Variants in TMEM268 observed in about 807,000 individuals in gnomAD.
TMEM268 encodes the protein transmembrane protein 268, also known as transmembrane protein C9orf91.
In TMEM268, 24 loss-of-function variants were observed where a neutral mutation model predicts 39.1. The observed-to-expected ratio is 0.61, with a 90% CI of 0.44 to 0.86. The LOEUF (loss-of-function observed/expected upper bound fraction) is 0.86. TMEM268 is among the 40% of genes least tolerant of loss of function. The probability of loss-of-function intolerance (pLI) is 0.00; values close to 1 mark genes in which losing one functional copy is unlikely to be tolerated. For synonymous variants in TMEM268, 176 were observed against 173.5 expected (o/e 1.01, Z -0.12); for missense variants, 409 against 428.6 (o/e 0.95, Z 0.40).
At chr9:114,636,932 A>C in intron 6 of TMEM268, 58 bp from the exon 7 acceptor site, 3 of 1,079,934 alleles carry the variant, frequency 2.8e-6, no homozygotes, top group Non-Finnish European at 4.3e-6. Flanking sequence ...TCAGGGAGGA[A>C]GAGTTCAGGG....
chr9:114,633,305 G>C lies in TMEM268; in HGVS notation c.475-463G>C, dbSNP rs534882319. ...GCCTCCCGAGTAGCTGGGACTACAG[G>C]TGTGTGTCACCACGCCCAGCTAATT... On this transcript the variant is annotated intron_variant, in intron 5 of 8. Transcript: ENST00000288502. 3.9e-5 allele frequency among the ~76,000 whole-genome samples: 6 copies of C among 152,066 alleles called. No homozygotes were observed. The East Asian group carries it at 1.2e-3, about 29-fold the overall frequency.
chr9:114,618,323 C>G (rs547052243), intron 2 of TMEM268, among the ~76,000 whole-genome samples: 1 of 152,260 alleles, frequency 6.6e-6, no homozygotes, highest in South Asian at 2.1e-4. Flanking sequence ...TCCCTTCTGC[C>G]TGTTGTGCTT....
intron 2 of TMEM268, among the ~76,000 whole-genome samples, chr9:114,621,918 T>C (rs141281795): frequency 8.5e-5 from 13 of 152,280 alleles, no homozygotes; most frequent in African/African-American, 2.2e-4. Context: ...CAGGAAGCGA[T>C]TGAAAGTTTT....
upstream of TMEM268, among the ~76,000 whole-genome samples, chr9:114,608,113 A>G (rs552059462): frequency 6.6e-6 from 1 of 152,182 alleles, no homozygotes; most frequent in Admixed American, 6.5e-5. Flanking sequence ...ACTGGATTCT[A>G]TTGTCCTTTC....
chr9:114,604,999 T>G, the TMEM268 span, among the ~76,000 whole-genome samples: 1 of 152,198 alleles, frequency 6.6e-6, no homozygotes, highest in Non-Finnish European at 1.5e-5. Context: ...TCCCAGGACA[T>G]TAGTGGACTG....
Position 114,643,493 on chromosome 9 carries a change from CTT to C in TMEM268, c.*181_*182del. The C allele has an allele frequency of 1.7e-6, 1 of 601,428 alleles. No homozygotes were observed. The highest frequency in any genetic ancestry group is 2.9e-6 in the Non-Finnish European group (1 of 341,140). 37.3% of individuals were successfully genotyped at this position (601,428 alleles called of 1,614,324 possible). ...CACTTCAGGGCCCAGCACAAAAATC[CTT>C]GTTTGACATCTCATGCTGACCCCCT... On this transcript the variant is annotated 3_prime_UTR_variant, in exon 9 of 9. Transcript: ENST00000288502.
chr9:114,609,240 G>A (rs1004778230), upstream of TMEM268, among the ~76,000 whole-genome samples: 64 of 152,094 alleles, frequency 4.2e-4, no homozygotes, highest in African/African-American at 1.5e-3. Flanking sequence ...GAACCCGGGA[G>A]GTGGAGGCTG....
intron 8 of TMEM268, among the ~76,000 whole-genome samples, chr9:114,640,476 C>A (rs929682026): frequency 6.6e-6 from 1 of 152,234 alleles, no homozygotes; most frequent in East Asian, 1.9e-4. Context: ...GCATACTCTT[C>A]GAGGTATGAA....
intron 8 of TMEM268, among the ~76,000 whole-genome samples, chr9:114,642,398 G>T (rs1254981828): frequency 6.6e-6 from 1 of 151,436 alleles, no homozygotes; most frequent in Non-Finnish European, 1.5e-5. Context: ...TTAAATGTAA[G>T]CAGTTTCTTT....
chr9:114,619,771 C>T (rs1845873491), intron 2 of TMEM268, among the ~76,000 whole-genome samples: 2 of 152,174 alleles, frequency 1.3e-5, no homozygotes, highest in Non-Finnish European at 2.9e-5. Context: ...GCTTCGGGGG[C>T]TCTTGGAGGA....
chr9:114,640,867 GTCTCTC>G (rs909740595), intron 8 of TMEM268, among the ~76,000 whole-genome samples: 1 of 151,522 alleles, frequency 6.6e-6, no homozygotes, highest in East Asian at 1.9e-4. Context: ...CTGTCTATTA[GTCTCTC>G]TCTCTCTCTT....
chr9:114,627,479 A>T (rs890367072), intron 4 of TMEM268, among the ~76,000 whole-genome samples: 11 of 152,192 alleles, frequency 7.2e-5, no homozygotes, highest in Admixed American at 2.6e-4. Flanking sequence ...TACATAAATG[A>T]CAGAGCCAGG....
intron 7 of TMEM268, among the ~76,000 whole-genome samples, chr9:114,637,277 A>T (rs1846679399): frequency 1.5e-5 from 2 of 135,898 alleles, no homozygotes; most frequent in South Asian, 4.7e-4. Context: ...TATGGTGAGC[A>T]TATATTTCTT....
In TMEM268 at chr9:114,644,612, A is replaced by G. The variant is rs1232937654; in HGVS notation, c.*1299A>G. The G allele has an allele frequency of 1.3e-5, 2 of 152,016 alleles. No individual in the cohort carries two copies. The highest frequency in any genetic ancestry group is 4.8e-5 in the African/African-American group (2 of 41,392). 9.4% of individuals were successfully genotyped at this position (152,016 alleles called of 1,614,324 possible). ...TGCTAAGGAAAAAAAAATCTTGTGGATTGATTGCTTTGCCATCCCCACAGC... is the reference window on the plus strand; with the variant it reads ...TGCTAAGGAAAAAAAAATCTTGTGGGTTGATTGCTTTGCCATCCCCACAGC... On this transcript the variant is annotated 3_prime_UTR_variant, in exon 9 of 9. Transcript: ENST00000288502.
chr9:114,629,487 T>C (rs1846298966), intron 5 of TMEM268, among the ~76,000 whole-genome samples: 1 of 152,254 alleles, frequency 6.6e-6, no homozygotes, highest in Non-Finnish European at 1.5e-5. Flanking sequence ...GTGATTACAT[T>C]GGGCCAGCTG....
intron 8 of TMEM268, among the ~76,000 whole-genome samples, chr9:114,640,863 A>G (rs79440941): frequency 1.3e-5 from 2 of 151,838 alleles, no homozygotes; most frequent in East Asian, 1.9e-4. Flanking sequence ...CTTTCTGTCT[A>G]TTAGTCTCTC....
chr9:114,615,771 C>A (rs113936276), intron 1 of TMEM268, among the ~76,000 whole-genome samples: 5 of 151,322 alleles, frequency 3.3e-5, no homozygotes, highest in African/African-American at 1.2e-4. Context: ...CTCACTGCAA[C>A]CTCCGCCTCC....
At chr9:114,635,829 G>A (rs1157985726) in intron 6 of TMEM268, among the ~76,000 whole-genome samples, 1 of 152,244 alleles carries the variant, frequency 6.6e-6, no homozygotes, top group Non-Finnish European at 1.5e-5. Context: ...CGGGTACCGA[G>A]TGAGGATGGA....
intron 5 of TMEM268, 31 bp downstream of exon 5, chr9:114,628,281 T>G: frequency 6.3e-7 from 1 of 1,589,662 alleles, no homozygotes; most frequent in Non-Finnish European, 8.5e-7. Flanking sequence ...TGCCACACTC[T>G]CTCCAGAAGA....
Sources: gnomAD v4.1 joint callset for allele counts (sites outside exome capture counted in the v4.1 genomes callset) on GRCh38, gnomAD v4.1.1 for gene constraint, MANE v1.5 for transcripts, NCBI Gene and HGNC (gene_info 2026-07-23, HGNC 2026-07-21) for gene names.